The following NKAIN2 variants were observed in gnomAD, a reference collection of about 807,000 sequenced individuals.
NKAIN2 encodes sodium/potassium transporting ATPase interacting 2, also known as sodium/potassium-transporting ATPase subunit beta-1-interacting protein 2.
NKAIN2 carries 14 observed loss-of-function variants against 32.6 expected under a neutral mutation model. That is an observed-to-expected ratio of 0.43 (90% CI 0.28 to 0.67). The LOEUF is 0.67. NKAIN2 is among the 30% of genes least tolerant of loss of function. NKAIN2 has a pLI of 0.17. For missense variants in NKAIN2, 198 were observed against 258.3 expected, an observed-to-expected ratio of 0.77 and a Z score of 1.60; for synonymous variants, 80 against 87.2, an observed-to-expected ratio of 0.92 and a Z score of 0.46.
intron 3 of NKAIN2, among the ~76,000 whole-genome samples, chr6:124,399,681 A>G (rs1348453974): frequency 1.3e-5 from 2 of 152,220 alleles, no homozygotes; most frequent in Non-Finnish European, 2.9e-5. Context: ...AAGTGCCACC[A>G]ACAAACACAG....
At chr6:124,701,423 G>T (rs971254806) in intron 4 of NKAIN2, among the ~76,000 whole-genome samples, 18 of 151,978 alleles carry the variant, frequency 1.2e-4, no homozygotes, top group Admixed American at 1.2e-3. Context: ...ACTCAGAAGA[G>T]TATTAAGTAT....
intron 1 of NKAIN2, among the ~76,000 whole-genome samples, chr6:124,149,651 G>A (rs2146253): frequency 0.81 from 123,998 of 152,184 alleles, 51,214 homozygotes; most frequent in Non-Finnish European, 0.88. Flanking sequence ...ATCTAGCCTT[G>A]TACCAGTACC....
intron 1 of NKAIN2, among the ~76,000 whole-genome samples, chr6:123,839,606 G>C (rs1288423994): frequency 1.3e-5 from 2 of 151,790 alleles, no homozygotes; most frequent in African/African-American, 4.8e-5. Context: ...TTTCACTTTG[G>C]CTGTTAACTA....
chr6:124,004,005 A>AT (rs1317692243), intron 1 of NKAIN2, among the ~76,000 whole-genome samples: 1 of 152,222 alleles, frequency 6.6e-6, no homozygotes, highest in Non-Finnish European at 1.5e-5. Flanking sequence ...GAACATTTGG[A>AT]TTTTTGTGTG....
intron 1 of NKAIN2, among the ~76,000 whole-genome samples, chr6:124,272,811 C>G (rs558616676): frequency 1.4e-3 from 206 of 152,260 alleles, no homozygotes; most frequent in Non-Finnish European, 2.4e-3. Context: ...GGAGCCCACC[C>G]CTCGCCCTGG....
At chr6:124,081,007 T>C (rs1419642498) in intron 1 of NKAIN2, among the ~76,000 whole-genome samples, 1 of 152,138 alleles carries the variant, frequency 6.6e-6, no homozygotes, top group African/African-American at 2.4e-5. Flanking sequence ...GTTTCAAACA[T>C]TTATTTATTC....
At chr6:124,485,780 G>A (rs1297869266) in intron 3 of NKAIN2, among the ~76,000 whole-genome samples, 1 of 152,078 alleles carries the variant, frequency 6.6e-6, no homozygotes, top group Admixed American at 6.6e-5. Context: ...CATCTATAGA[G>A]TAAGTCATTT....
intron 2 of NKAIN2, among the ~76,000 whole-genome samples, chr6:124,322,671 ATTTC>A (rs1362519974): frequency 6.6e-6 from 1 of 152,152 alleles, no homozygotes; most frequent in African/African-American, 2.4e-5. Context: ...ATTGTAGGAC[ATTTC>A]AGTTGGTTCT....
At chr6:123,823,218 C>T (rs1444723638) in intron 1 of NKAIN2, 1 of 152,148 alleles carries the variant, frequency 6.6e-6, no homozygotes, top group Non-Finnish European at 1.5e-5. Flanking sequence ...TTTGACATAA[C>T]AGTACGTCCT....
At chr6:124,046,124 A>G (rs1411502151) in intron 1 of NKAIN2, among the ~76,000 whole-genome samples, 1 of 152,016 alleles carries the variant, frequency 6.6e-6, no homozygotes, top group Non-Finnish European at 1.5e-5. Context: ...TAGTAGCTTT[A>G]ATGAAATTGG....
intron 3 of NKAIN2, among the ~76,000 whole-genome samples, chr6:124,408,295 G>C (rs1207219183): frequency 6.6e-6 from 1 of 152,164 alleles, no homozygotes; most frequent in Non-Finnish European, 1.5e-5. Flanking sequence ...GAATGGTATT[G>C]TCTAGGTTTT....
At chr6:124,711,580 T>C (rs1277244593) in intron 4 of NKAIN2, among the ~76,000 whole-genome samples, 24 of 150,964 alleles carry the variant, frequency 1.6e-4, no homozygotes, top group East Asian at 7.8e-4. Context: ...CATCTTCCAT[T>C]GCTGATACCC....
At chr6:124,816,373 A>T (rs183685143) in intron 5 of NKAIN2, among the ~76,000 whole-genome samples, 1 of 152,292 alleles carries the variant, frequency 6.6e-6, no homozygotes, top group African/African-American at 2.4e-5. Context: ...CGCATTTATC[A>T]AAACCCATAG....
chr6:124,249,419 A>C (rs1221089320), intron 1 of NKAIN2, among the ~76,000 whole-genome samples: 3 of 152,054 alleles, frequency 2.0e-5, no homozygotes, highest in Non-Finnish European at 4.4e-5. Flanking sequence ...TAGTCATATG[A>C]ATCACATTGA....
Position 124,818,430 on chromosome 6 carries a change from TC to T in NKAIN2, c.580del (p.Gln194ArgfsTer66). 6.2e-7 allele frequency: 1 copy of T among 1,603,758 alleles called. No homozygotes were observed. The highest frequency in any genetic ancestry group is 8.5e-7 in the Non-Finnish European group (1 of 1,171,238). On this transcript the variant is annotated frameshift_variant, in exon 6 of 7. Transcript: ENST00000368417. LOFTEE classifies it high-confidence loss of function. ...GFDSYGYQGP[Q>X]KTSHLQLQPM... ...TTGACTCTTATGGCTATCAAGGGCC[TC>T]AGAAGACATCTCATTTACAACTACA...
intron 1 of NKAIN2, among the ~76,000 whole-genome samples, chr6:124,185,334 G>T (rs1231583106): frequency 6.6e-6 from 1 of 151,966 alleles, no homozygotes; most frequent in Non-Finnish European, 1.5e-5. Flanking sequence ...TGATTCTTTG[G>T]TGAATTCTAC....
chr6:124,439,603 G>C lies in NKAIN2; in HGVS notation c.273+84256G>C, dbSNP rs763414248. ...AAAATCCGAATTCTAACCTCTTCCT[G>C]CTTGTTTTGTTTTGTATTTGTTTCC... On this transcript the variant is annotated intron_variant, in intron 3 of 6. Transcript: ENST00000368417. 6.0e-5 allele frequency among the ~76,000 whole-genome samples: 9 copies of C among 150,324 alleles called. 1 individual carries two copies. Among genetic ancestry groups the C allele is most frequent in the Non-Finnish European group, 1.3e-4 (9 of 67,752 alleles).
chr6:124,184,267 G>GAT (rs1488742769), intron 1 of NKAIN2, among the ~76,000 whole-genome samples: 6 of 151,778 alleles, frequency 4.0e-5, no homozygotes, highest in Non-Finnish European at 8.8e-5. Context: ...CTGCAAACTA[G>GAT]ATGTTATCTC....
At chr6:123,863,839 T>C (rs1214369389) in intron 1 of NKAIN2, among the ~76,000 whole-genome samples, 2 of 152,196 alleles carry the variant, frequency 1.3e-5, no homozygotes, top group African/African-American at 2.4e-5. Flanking sequence ...TCAGCAAGGC[T>C]AGTTTACCAA....
Sources: allele counts gnomAD v4.1 joint callset (sites outside exome capture counted in the v4.1 genomes callset), GRCh38; gene constraint gnomAD v4.1.1; transcripts MANE v1.5; gene names NCBI Gene and HGNC (gene_info 2026-07-23, HGNC 2026-07-21).